The following BORCS5 variants were observed in gnomAD, a reference collection of about 807,000 sequenced individuals.
BORCS5 encodes the protein BLOC-1 related complex subunit 5.
In BORCS5, 17 loss-of-function variants were observed where a neutral mutation model predicts 22.1. That is an observed-to-expected ratio of 0.77 (90% CI 0.53 to 1.15). The LOEUF (loss-of-function observed/expected upper bound fraction) is 1.15, where lower values mean the gene tolerates loss of function less well. Ranked by LOEUF, BORCS5 falls within the 50% of genes most tolerant of loss-of-function variation. The pLI is 0.00. For synonymous variants in BORCS5, 117 were observed against 99.8 expected, an observed-to-expected ratio of 1.17 and a Z score of -1.03; for missense variants, 247 against 253.2, an observed-to-expected ratio of 0.98 and a Z score of 0.17.
rs1024039140 is a variant in BORCS5 at position 12,361,439 on chromosome 12, C to T, written c.202+90C>T. 2.3e-5 allele frequency: 32 copies of T among 1,415,232 alleles called. No homozygotes were observed. In the African/African-American group the frequency reaches 4.1e-4, roughly 18 times the overall value. 87.7% of individuals were successfully genotyped at this position (1,415,232 alleles called of 1,614,324 possible). A position where few individuals can be genotyped will look rare whatever the true frequency, so the allele number is the denominator to read the frequency against. The stretch of plus-strand genomic sequence containing the variant: ...CCTCTACTTATCCATGTATCTTGCT[C>T]TCTCATCTCCTTTAGGTCTTTGCTT... On this transcript the variant is annotated intron_variant, in intron 2 of 3. Coordinates refer to ENST00000314565, the MANE Select transcript of BORCS5 (RefSeq NM_058169.6).
chr12:12,422,632 A>G (rs1942164078), intron 2 of BORCS5, among the ~76,000 whole-genome samples: 1 of 152,106 alleles, frequency 6.6e-6, no homozygotes, highest in Admixed American at 6.6e-5. Flanking sequence ...AGAATAAGGA[A>G]TGACCTCCAG....
chr12:12,462,266 A>G (rs1159194181), intron 3 of BORCS5, among the ~76,000 whole-genome samples: 2 of 152,082 alleles, frequency 1.3e-5, no homozygotes, highest in Non-Finnish European at 2.9e-5. Flanking sequence ...TTAAGTGGCC[A>G]CTCTTGTTAT....
At position 12,440,147 on chromosome 12, in the gene BORCS5, C is replaced by G. The variant is rs540304094; in HGVS notation, c.360+4362C>G. Reference sequence around the variant, plus strand: ...AAGTCTGGATCAAAGGGAAACATGGCTATAACTATTTCTGATTCAGATAAA... The same window carrying G: ...AAGTCTGGATCAAAGGGAAACATGGGTATAACTATTTCTGATTCAGATAAA... On this transcript the variant is annotated intron_variant, in intron 3 of 3. Transcript: ENST00000314565. Among the ~76,000 whole-genome samples the G allele has an allele frequency of 2.0e-5, 3 of 152,340 alleles. No individual in the cohort carries two copies. The South Asian group carries it at 6.2e-4, about 32-fold the overall frequency.
intron 2 of BORCS5, 41 bp downstream of exon 2, chr12:12,361,390 C>G: frequency 1.2e-6 from 2 of 1,604,002 alleles, no homozygotes; most frequent in Non-Finnish European, 1.7e-6. Flanking sequence ...TTGCTGGAGA[C>G]GTTTGTGTAG....
chr12:12,467,720 A>G lies in BORCS5; in HGVS notation c.*1944A>G, dbSNP rs1481185701. The G allele has an allele frequency of 1.3e-5, 2 of 152,330 alleles. No homozygotes were observed. The highest frequency in any genetic ancestry group is 6.5e-5 in the Admixed American group (1 of 15,290). 9.4% of individuals were successfully genotyped at this position (152,330 alleles called of 1,614,324 possible). On this transcript the variant is annotated 3_prime_UTR_variant, in exon 4 of 4. Transcript: ENST00000314565. ...CTTGGCTAAACTGAACTGTGTTCCC[A>G]GAATTCCCTTCCTTGTTTGTTTCTC... is the stretch of plus-strand genomic sequence containing the variant.
intron 3 of BORCS5, among the ~76,000 whole-genome samples, chr12:12,464,896 C>A (rs906780696): frequency 1.3e-5 from 2 of 152,056 alleles, no homozygotes; most frequent in South Asian, 4.2e-4. Context: ...TGCAGTGTTC[C>A]CCGAGTGTCC....
intron 3 of BORCS5, among the ~76,000 whole-genome samples, chr12:12,449,834 G>A (rs1031270296): frequency 2.6e-5 from 4 of 152,254 alleles, no homozygotes; most frequent in South Asian, 2.1e-4. Flanking sequence ...ATAAGGAGCC[G>A]GGGAAGGTTT....
intron 2 of BORCS5, among the ~76,000 whole-genome samples, chr12:12,406,289 T>A (rs1401722840): frequency 6.6e-6 from 1 of 152,256 alleles, no homozygotes; most frequent in African/African-American, 2.4e-5. Context: ...TTTTCCTTAT[T>A]AGTAGACTTC....
intron 3 of BORCS5, among the ~76,000 whole-genome samples, chr12:12,439,825 G>T (rs1279701154): frequency 6.6e-6 from 1 of 152,120 alleles, no homozygotes; most frequent in Non-Finnish European, 1.5e-5. Flanking sequence ...TATCTCTGTT[G>T]GTGAGTGTTA....
chr12:12,426,331 A>G (rs1165366866), intron 2 of BORCS5, among the ~76,000 whole-genome samples: 1 of 152,252 alleles, frequency 6.6e-6, no homozygotes, highest in Non-Finnish European at 1.5e-5. Context: ...CTGCATACCA[A>G]GTAGTTGGTA....
chr12:12,363,821 C>T (rs1392457279), intron 2 of BORCS5, among the ~76,000 whole-genome samples: 1 of 151,732 alleles, frequency 6.6e-6, no homozygotes, highest in Non-Finnish European at 1.5e-5. Flanking sequence ...TTGCTAGAAC[C>T]AGGAGATGGA....
intron 3 of BORCS5, among the ~76,000 whole-genome samples, chr12:12,444,344 ACT>A (rs993063474): frequency 1.8e-4 from 28 of 151,984 alleles, no homozygotes; most frequent in Admixed American, 2.0e-4. Flanking sequence ...TTAGCAGGTG[ACT>A]CTCCTCCATT....
chr12:12,465,586 A>G lies in BORCS5; in HGVS notation c.401A>G (p.Glu134Gly). Residue 134 changes from glutamate (E) to glycine (G), a missense_variant, in exon 4 of 4, where the codon GAG (glutamate) becomes GGG (glycine). Physicochemically the swap from Glu to Gly is moderately conservative, Grantham distance 98 (BLOSUM62 -2). Transcript: ENST00000314565. ...GAAACTCTGTTCAGCTTCATGCAGGAGCGCCAGAAAAGATACGCCAAGTAT... is the reference window on the plus strand; with the variant it reads ...GAAACTCTGTTCAGCTTCATGCAGGGGCGCCAGAAAAGATACGCCAAGTAT... ...SVETLFSFMQ[E>G]RQKRYAKYAE... 6.2e-7 allele frequency: 1 copy of G among 1,614,172 alleles called. No individual in the cohort carries two copies. The highest frequency in any genetic ancestry group is 8.5e-7 in the Non-Finnish European group (1 of 1,180,012).
intron 2 of BORCS5, among the ~76,000 whole-genome samples, chr12:12,372,400 A>G (rs1318206951): frequency 6.6e-6 from 1 of 151,998 alleles, no homozygotes; most frequent in East Asian, 1.9e-4. Context: ...GCTAGAGTGC[A>G]GTGGCACCAC....
In BORCS5 at chr12:12,438,515, A is replaced by G. The variant is rs1942614590; in HGVS notation, c.360+2730A>G. On this transcript the variant is annotated intron_variant, in intron 3 of 3. Coordinates refer to ENST00000314565, the MANE Select transcript of BORCS5 (RefSeq NM_058169.6). ...TGTTTTGTAGCTGGAAGTACCAGAC[A>G]GAGCTTCTCATTATAGCACATTTTC... 2.6e-5 allele frequency among the ~76,000 whole-genome samples: 4 copies of G among 152,328 alleles called. No homozygotes were observed. The South Asian group carries it at 8.3e-4, about 32-fold the overall frequency.
intron 2 of BORCS5, among the ~76,000 whole-genome samples, chr12:12,375,570 A>G (rs1469504994): frequency 6.6e-6 from 1 of 152,198 alleles, no homozygotes; most frequent in African/African-American, 2.4e-5. Context: ...AGTGAGCTCC[A>G]GTCATACCAC....
At chr12:12,439,636 C>G (rs1942640437) in intron 3 of BORCS5, among the ~76,000 whole-genome samples, 1 of 152,132 alleles carries the variant, frequency 6.6e-6, no homozygotes, top group African/African-American at 2.4e-5. Flanking sequence ...ATAAAATAAA[C>G]AGTTTAAAAT....
chr12:12,363,115 A>G (rs779902965), intron 2 of BORCS5, among the ~76,000 whole-genome samples: 2 of 151,332 alleles, frequency 1.3e-5, no homozygotes, highest in African/African-American at 4.9e-5. Flanking sequence ...GGGCAACACA[A>G]TGAGACTCTG....
intron 2 of BORCS5, among the ~76,000 whole-genome samples, chr12:12,368,069 G>C (rs1863441510): frequency 6.6e-6 from 1 of 152,104 alleles, no homozygotes; most frequent in Non-Finnish European, 1.5e-5. Flanking sequence ...TCTGCCATTT[G>C]GGAAGTTCCC....
Sources: allele counts gnomAD v4.1 joint callset (sites outside exome capture counted in the v4.1 genomes callset), GRCh38; gene constraint gnomAD v4.1.1; transcripts MANE v1.5; gene names NCBI Gene and HGNC (gene_info 2026-07-23, HGNC 2026-07-21).